The following CR2 variants were observed in gnomAD, a reference collection of about 807,000 sequenced individuals.
CR2 encodes complement receptor type 2.
A neutral mutation model predicts 123.0 loss-of-function variants in CR2; 96 were observed. The ratio of observed to expected loss-of-function variants is 0.78; its 90% CI spans 0.66 to 0.93. The LOEUF (loss-of-function observed/expected upper bound fraction) is 0.93, where lower values mean the gene tolerates loss of function less well. Ranked by LOEUF, CR2 falls within the 40% of genes least tolerant of loss-of-function variation. The pLI is 0.00. For synonymous variants in CR2, 484 were observed against 469.5 expected (o/e 1.03, Z -0.40); for missense variants, 1,258 against 1,361.0 (o/e 0.92, Z 1.19).
chr1:207,459,021 A>G (rs1657905242), intron 1 of CR2, among the ~76,000 whole-genome samples: 1 of 152,194 alleles, frequency 6.6e-6, no homozygotes, highest in Non-Finnish European at 1.5e-5. Context: ...TATGTGTGTG[A>G]TTATGAATTG....
intron 18 of CR2, among the ~76,000 whole-genome samples, chr1:207,481,795 G>A (rs562062195): frequency 6.6e-6 from 1 of 151,862 alleles, no homozygotes; most frequent in Non-Finnish European, 1.5e-5. Flanking sequence ...AATCATTTTT[G>A]GTTATGTCTT....
At chr1:207,466,154 T>C (rs150099342) in intron 1 of CR2, among the ~76,000 whole-genome samples, 4 of 152,282 alleles carry the variant, frequency 2.6e-5, no homozygotes, top group Non-Finnish European at 4.4e-5. Context: ...TGAAACTAGG[T>C]CCACTGAGCT....
chr1:207,471,770 A>C (rs1658289607), intron 9 of CR2: 1 of 397,640 alleles, frequency 2.5e-6, no homozygotes, highest in Admixed American at 3.6e-5. Context: ...CACCATCTTA[A>C]TTTTGGGTAT....
chr1:207,485,721 C>T (rs1658731262), intron 19 of CR2, 149 bp downstream of exon 19: 1 of 628,112 alleles, frequency 1.6e-6, no homozygotes, highest in African/African-American at 1.8e-5. Context: ...GTTCATTTAC[C>T]TACTTCATTT....
rs1463965529 is a variant in CR2 at position 207,470,895 on chromosome 1, C to A, written c.1381C>A (p.Pro461Thr). Residue 461 changes from proline (P) to threonine (T), a missense_variant, in exon 7 of 20, where the codon CCC becomes ACC. By Grantham distance (38) the Pro-to-Thr change is conservative. Coordinates refer to ENST00000367057, the MANE Select transcript of CR2 (RefSeq NM_001006658.3). ...GTGTACCTCTGAGGGGGTGTGGACA[C>A]CCCCTGTACCCCAATGCAAAGGTGC... The part of the protein sequence containing the change: ...IQCTSEGVWT[P>T]PVPQCKVAAC... 8 of 1,613,740 alleles carry A rather than the reference C, an allele frequency of 5.0e-6. No homozygotes were observed.
At chr1:207,470,608 G>A (rs913862417) in intron 6 of CR2, 132 bp from the exon 7 acceptor site, 2 of 852,364 alleles carry the variant, frequency 2.3e-6, no homozygotes, top group Admixed American at 4.4e-5. Flanking sequence ...AAGCTGGTCT[G>A]CAACATATGT....
chr1:207,467,010 G>C, intron 2 of CR2, 98 bp downstream of exon 2: 1 of 1,367,126 alleles, frequency 7.3e-7, no homozygotes, highest in African/African-American at 1.4e-5. Flanking sequence ...GTGTGAACAT[G>C]TAATGATGAG....
intron 6 of CR2, 21 bp from the exon 7 acceptor site, chr1:207,470,719 T>C: frequency 6.2e-7 from 1 of 1,612,896 alleles, no homozygotes; most frequent in Non-Finnish European, 8.5e-7. Context: ...AGTTATGTTT[T>C]GTTTTTGTCC....
At chr1:207,485,440 A>G in intron 18 of CR2, 24 bp from the exon 19 acceptor site, 1 of 1,442,430 alleles carries the variant, frequency 6.9e-7, no homozygotes, top group East Asian at 2.3e-5. Flanking sequence ...AAGATATTAC[A>G]TTTTTCTTTC....
rs754830128 is a variant in CR2 at position 207,471,026 on chromosome 1, C to T, written c.1432C>T (p.Leu478Phe). The T allele has an allele frequency of 8.1e-6, 13 of 1,613,850 alleles. No homozygotes were observed. Among genetic ancestry groups the T allele is most frequent in the Non-Finnish European group, 1.1e-5 (13 of 1,179,840 alleles). The change falls in exon 8 of 20, where the codon CTC becomes TTC. Residue 478 changes from leucine (L) to phenylalanine (F), a missense_variant. Transcript: ENST00000367057. ...VAACEATGRQLLTKPQHQFVR... is the reference protein window; with the variant it reads ...VAACEATGRQFLTKPQHQFVR... ...AGCGTGTGAAGCTACAGGAAGGCAA[C>T]TCTTGACAAAACCCCAGCACCAATT...
At chr1:207,464,955 G>C (rs1051873987) in intron 1 of CR2, among the ~76,000 whole-genome samples, 5 of 152,028 alleles carry the variant, frequency 3.3e-5, no homozygotes, top group African/African-American at 1.2e-4. Context: ...TTTTGAGATG[G>C]AGTCTCGCTC....
At chr1:207,457,398 T>C (rs777783669) in intron 1 of CR2, among the ~76,000 whole-genome samples, 48 of 152,222 alleles carry the variant, frequency 3.2e-4, no homozygotes, top group Non-Finnish European at 6.2e-4. Context: ...AATGTACCTC[T>C]TTCTGTATGA....
At position 207,454,665 on chromosome 1, in the gene CR2, C is replaced by G; in HGVS notation, c.58+189C>G. On this transcript the variant is annotated intron_variant, in intron 1 of 19. Coordinates refer to ENST00000367057, the MANE Select transcript of CR2 (RefSeq NM_001006658.3). This position sits in a 1 kb window ranked among gnomAD's most constrained non-coding sequence, Gnocchi z 4.3. ...TCCTGATTGTCCCCACTGGCCCCTC[C>G]GGGAGCTGGGACCTCCAGAATTGGA... 1.9e-6 allele frequency: 1 copy of G among 527,466 alleles called. No individual in the cohort carries two copies. The highest frequency in any genetic ancestry group is 3.3e-6 in the Non-Finnish European group (1 of 301,590). 32.7% of individuals were successfully genotyped at this position (527,466 alleles called of 1,614,324 possible).
chr1:207,472,644 C>G, intron 9 of CR2, 128 bp from the exon 10 acceptor site: 1 of 883,884 alleles, frequency 1.1e-6, no homozygotes, highest in Non-Finnish European at 1.8e-6. Flanking sequence ...TCACACAACT[C>G]ACATCATGAA....
At chr1:207,457,434 C>A (rs1050573794) in intron 1 of CR2, among the ~76,000 whole-genome samples, 5 of 152,164 alleles carry the variant, frequency 3.3e-5, no homozygotes, top group Non-Finnish European at 7.3e-5. Context: ...TTTAAGTATA[C>A]CCCAGGAAAT....
intron 18 of CR2, among the ~76,000 whole-genome samples, 178 bp downstream of exon 18, chr1:207,480,231 A>G (rs1658567453): frequency 6.6e-6 from 1 of 151,732 alleles, no homozygotes; most frequent in Non-Finnish European, 1.5e-5. Flanking sequence ...GAGATATCAA[A>G]CACTTAGCTT....
At position 207,469,717 on chromosome 1, in the gene CR2, C is replaced by T; in HGVS notation, c.840C>T (p.Pro280=). ...VCEEIFCPSP[P]PILNGRHIGN... is the part of the protein sequence containing the mutation. ...TAGAAATTTTTTGCCCATCACCTCC[C>T]CCTATTCTCAATGGAAGACATATAG... The change falls in exon 6 of 20, where the codon CCC becomes CCT. Residue 280 remains proline, a synonymous_variant. Coordinates refer to ENST00000367057, the MANE Select transcript of CR2 (RefSeq NM_001006658.3). 6.2e-7 allele frequency: 1 copy of T among 1,613,860 alleles called. No individual in the cohort carries two copies. The highest frequency in any genetic ancestry group is 2.2e-5 in the East Asian group (1 of 44,888).
In CR2 at chr1:207,477,950, T is replaced by C; in HGVS notation, c.2968T>C (p.Tyr990His). 5 of 1,614,082 alleles carry C rather than the reference T, an allele frequency of 3.1e-6. No homozygotes were observed. The highest frequency in any genetic ancestry group is 4.2e-6 in the Non-Finnish European group (5 of 1,179,988). Reference protein sequence around the residue: ...IQKGLEPRKMYQYGAVVTLEC... With the variant: ...IQKGLEPRKMHQYGAVVTLEC... ...GAAAGGGCTGGAACCAAGGAAAATG[T>C]ATCAGTATGGAGCTGTTGTAACTCT... Residue 990 changes from tyrosine (Y) to histidine (H), a missense_variant, in exon 16 of 20, where the codon TAT becomes CAT. Coordinates refer to ENST00000367057, the MANE Select transcript of CR2 (RefSeq NM_001006658.3).
intron 2 of CR2, among the ~76,000 whole-genome samples, chr1:207,467,402 G>A (rs547176637): frequency 3.3e-5 from 5 of 152,166 alleles, no homozygotes; most frequent in South Asian, 2.1e-4. Context: ...ATTTCCCCAA[G>A]TCATCTTCTG....
Sources: gnomAD v4.1 joint callset for allele counts (sites outside exome capture counted in the v4.1 genomes callset) on GRCh38, gnomAD v4.1.1 for gene constraint, Gnocchi (gnomAD v3.1) non-coding constraint, MANE v1.5 for transcripts, NCBI Gene and HGNC (gene_info 2026-07-23, HGNC 2026-07-21) for gene names.